Variants in ZNF831 observed in about 807,000 individuals in gnomAD.
ZNF831 encodes zinc finger protein 831.
Under a neutral mutation model 95.8 loss-of-function variants are expected in ZNF831, and 59 were observed. The observed-to-expected ratio is 0.62, with a 90% CI of 0.50 to 0.77. The LOEUF is 0.77. ZNF831 is among the 30% of genes least tolerant of loss of function. ZNF831 has a pLI of 0.00. For synonymous variants in ZNF831, 961 were observed against 925.5 expected (o/e 1.04, Z -0.70); for missense variants, 2,205 against 2,164.0 (o/e 1.02, Z -0.38).
intron 4 of ZNF831, among the ~76,000 whole-genome samples, chr20:59,228,739 T>C (rs1237813904): frequency 6.6e-6 from 1 of 152,220 alleles, no homozygotes; most frequent in East Asian, 1.9e-4. Context: ...TTTTGATACC[T>C]GCATACAATG....
chr20:59,236,973 C>T (rs1987033049), intron 4 of ZNF831, among the ~76,000 whole-genome samples: 1 of 152,090 alleles, frequency 6.6e-6, no homozygotes, highest in African/African-American at 2.4e-5. Flanking sequence ...TGGAGTGTGG[C>T]CACCTCATCC....
chr20:59,212,032 T>C (rs1186338243), intron 4 of ZNF831, among the ~76,000 whole-genome samples: 1 of 152,136 alleles, frequency 6.6e-6, no homozygotes, highest in South Asian at 2.1e-4. Context: ...CTAATCCTTT[T>C]AGGCCAGCTA....
At position 59,217,919 on chromosome 20, in the gene ZNF831, G is replaced by A. The variant is rs1261066099; in HGVS notation, c.4027+10863G>A. Among the ~76,000 whole-genome samples the A allele has an allele frequency of 2.6e-5, 4 of 152,198 alleles. No homozygotes were observed. Among genetic ancestry groups the A allele is most frequent in the Non-Finnish European group, 4.4e-5 (3 of 68,042 alleles). ...ACGATGGATCAGCCTGCTCTGGGGG[G>A]ACTCTGTCACTGCAAAGGACATCAA... On this transcript the variant is annotated intron_variant, in intron 4 of 5. Coordinates refer to ENST00000371030, the MANE Select transcript of ZNF831 (RefSeq NM_178457.3). This position sits in a 1 kb window ranked among gnomAD's most constrained non-coding sequence, Gnocchi z 4.4.
chr20:59,236,389 G>C (rs370674938), intron 4 of ZNF831, among the ~76,000 whole-genome samples: 7 of 152,074 alleles, frequency 4.6e-5, no homozygotes, highest in Middle Eastern at 3.2e-3. Flanking sequence ...CCTTTGAAGA[G>C]CTTTCACCTT....
intron 1 of ZNF831, among the ~76,000 whole-genome samples, chr20:59,140,970 G>A (rs1255476707): frequency 6.6e-6 from 1 of 151,956 alleles, no homozygotes; most frequent in Non-Finnish European, 1.5e-5. Flanking sequence ...CACGATCTCA[G>A]CTCACTGCAA....
At chr20:59,149,306 GC>G (rs1291732697) in intron 2 of ZNF831, among the ~76,000 whole-genome samples, 1 of 152,166 alleles carries the variant, frequency 6.6e-6, no homozygotes, top group African/African-American at 2.4e-5. Context: ...TAATCCTTGG[GC>G]CCAGTCTCAA....
intron 1 of ZNF831, among the ~76,000 whole-genome samples, chr20:59,132,701 C>T (rs929248382): frequency 1.3e-5 from 2 of 152,248 alleles, no homozygotes; most frequent in African/African-American, 4.8e-5. Flanking sequence ...TTTGTAATCA[C>T]CAGATTGCTA....
At chr20:59,241,763 A>G (rs1294762206) in intron 4 of ZNF831, among the ~76,000 whole-genome samples, 1 of 152,220 alleles carries the variant, frequency 6.6e-6, no homozygotes, top group Non-Finnish European at 1.5e-5. Flanking sequence ...AAATATTCAA[A>G]TTGACTGTTC....
chr20:59,164,108 A>G lies in ZNF831; in HGVS notation c.-136A>G, dbSNP rs1981065081. ...CATCTCTTCTCTGTGGGGCCAGCCCAGTGGTCCTTTCTGGACCTGTGGGTG... is the reference window on the plus strand; with the variant it reads ...CATCTCTTCTCTGTGGGGCCAGCCCGGTGGTCCTTTCTGGACCTGTGGGTG... On this transcript the variant is annotated 5_prime_UTR_variant, in exon 1 of 6. Transcript: ENST00000371030. Among the ~76,000 whole-genome samples, 1 of 152,152 alleles carries G rather than the reference A, an allele frequency of 6.6e-6. No individual in the cohort carries two copies. Among genetic ancestry groups the G allele is most frequent in the African/African-American group, 2.4e-5 (1 of 41,428 alleles).
At chr20:59,185,541 C>T (rs1398902733) in intron 1 of ZNF831, among the ~76,000 whole-genome samples, 1 of 152,136 alleles carries the variant, frequency 6.6e-6, no homozygotes. Flanking sequence ...CCCACTGAGA[C>T]ACCCCTCGGG....
At chr20:59,123,400 C>T (rs1215874163) in exon 1 of ZNF831, 2 of 152,232 alleles carry the variant, frequency 1.3e-5, no homozygotes, top group Non-Finnish European at 2.9e-5. Context: ...ATGTGAACAT[C>T]CTGTCTCACC....
chr20:59,243,611 C>T (rs1233258827), intron 4 of ZNF831, among the ~76,000 whole-genome samples: 1 of 152,184 alleles, frequency 6.6e-6, no homozygotes, highest in African/African-American at 2.4e-5. Flanking sequence ...CTCATCCACT[C>T]ACTCCCTCCT....
intron 4 of ZNF831, among the ~76,000 whole-genome samples, chr20:59,251,092 C>T (rs1432888311): frequency 1.3e-5 from 2 of 152,216 alleles, no homozygotes; most frequent in East Asian, 1.9e-4. Flanking sequence ...TGGGCTAATA[C>T]ATATGTTATT....
At chr20:59,239,517 CTTGA>C (rs1178653710) in intron 4 of ZNF831, among the ~76,000 whole-genome samples, 2 of 148,236 alleles carry the variant, frequency 1.3e-5, no homozygotes, top group Non-Finnish European at 3.0e-5. Context: ...ATTTTACATC[CTTGA>C]TTTAGTTATT....
chr20:59,152,056 T>C (rs1980277910), intron 2 of ZNF831, among the ~76,000 whole-genome samples: 1 of 152,212 alleles, frequency 6.6e-6, no homozygotes, highest in African/African-American at 2.4e-5. Flanking sequence ...ATATTTGTAA[T>C]GACAGCACCT....
chr20:59,222,050 G>A (rs1986110295), intron 4 of ZNF831, among the ~76,000 whole-genome samples: 1 of 152,160 alleles, frequency 6.6e-6, no homozygotes, highest in African/African-American at 2.4e-5. Context: ...GTTAATGTGC[G>A]ACGCCCCCTC....
rs1302313012 is a variant in ZNF831 at position 59,254,993 on chromosome 20, A to C, written c.*250A>C. 2.3e-6 allele frequency: 1 copy of C among 427,404 alleles called. No homozygotes were observed. Among genetic ancestry groups the C allele is most frequent in the Non-Finnish European group, 4.2e-6 (1 of 239,450 alleles). 26.5% of individuals were successfully genotyped at this position (427,404 alleles called of 1,614,324 possible). A position where few individuals can be genotyped will look rare whatever the true frequency, so the allele number is the denominator to read the frequency against. On this transcript the variant is annotated 3_prime_UTR_variant, in exon 6 of 6. Transcript: ENST00000371030. The surrounding 1 kb of genome is among the most constrained non-coding windows in gnomAD (Gnocchi z 4.5). ...CCAGGCAGGGCAGACATGGCAAGGA[A>C]GCAAACTCTGCAAATGGTCAACGTG...
At chr20:59,125,917 C>T (rs1447199868) in intron 1 of ZNF831, among the ~76,000 whole-genome samples, 1 of 151,986 alleles carries the variant, frequency 6.6e-6, no homozygotes, top group Non-Finnish European at 1.5e-5. Flanking sequence ...GCAAACTGTT[C>T]TGAAGGACTT....
rs554378525 is a variant in ZNF831 at position 59,158,555 on chromosome 20, A to C, written c.-1280-1097A>C. On this transcript the variant is annotated intron_variant, in intron 2 of 7. Transcript: ENST00000637017. Reference sequence around the variant, plus strand: ...GTGGATTGTCTGTTTTCTCTTTCTCACTTAGCCTTCCCTGGAGGAGTTTGG... The same window carrying C: ...GTGGATTGTCTGTTTTCTCTTTCTCCCTTAGCCTTCCCTGGAGGAGTTTGG... Among the ~76,000 whole-genome samples, 37 of 152,158 alleles carry C rather than the reference A, an allele frequency of 2.4e-4. No individual in the cohort carries two copies. The East Asian group carries it at 3.7e-3, about 15-fold the overall frequency.
Sources: allele counts gnomAD v4.1 joint callset (sites outside exome capture counted in the v4.1 genomes callset), GRCh38; gene constraint gnomAD v4.1.1; non-coding constraint Gnocchi (gnomAD v3.1); transcripts MANE v1.5; gene names NCBI Gene and HGNC (gene_info 2026-07-23, HGNC 2026-07-21).